SEPTIN2: variants seen among roughly 807,000 people sequenced by gnomAD.
SEPTIN2 encodes the protein septin-2.
Under a neutral mutation model 46.5 loss-of-function variants are expected in SEPTIN2, and 34 were observed. The observed-to-expected ratio is 0.73, with a 90% confidence interval of 0.56 to 0.97. The LOEUF (loss-of-function observed/expected upper bound fraction) is 0.97, where lower values mean the gene tolerates loss of function less well. Among genes scored for constraint, SEPTIN2 ranks in the 50% least tolerant of loss-of-function variants. SEPTIN2 has a pLI of 0.00. For missense variants in SEPTIN2, 347 were observed against 448.4 expected (o/e 0.77, Z 2.04); for synonymous variants, 175 against 153.4 (o/e 1.14, Z -1.04).
chr2:241,330,980 C>A (rs974156935), intron 3 of SEPTIN2, among the ~76,000 whole-genome samples: 14 of 152,136 alleles, frequency 9.2e-5, no homozygotes, highest in Non-Finnish European at 1.9e-4. Context: ...GACCAGCCCC[C>A]CCAACATGGT....
intron 1 of SEPTIN2, chr2:241,317,150 C>G (rs1397908456): frequency 6.6e-6 from 1 of 152,196 alleles, no homozygotes; most frequent in Non-Finnish European, 1.5e-5. Flanking sequence ...AAAGCTGATT[C>G]TTGATACTTC....
chr2:241,332,954 G>A (rs576455566), intron 3 of SEPTIN2, among the ~76,000 whole-genome samples: 5 of 152,180 alleles, frequency 3.3e-5, no homozygotes, highest in Non-Finnish European at 7.3e-5. Flanking sequence ...GTTTGCCTGC[G>A]GTGGGGACTG....
At chr2:241,336,308 G>T in intron 5 of SEPTIN2, 3 of 557,408 alleles carry the variant, frequency 5.4e-6, no homozygotes, top group Admixed American at 3.3e-5. Flanking sequence ...ATTTGAGATC[G>T]CAAAGCCAGT....
chr2:241,325,718 A>G (rs556289511), intron 2 of SEPTIN2, among the ~76,000 whole-genome samples: 2 of 152,270 alleles, frequency 1.3e-5, no homozygotes, highest in Admixed American at 1.3e-4. Flanking sequence ...TCTTCTATGT[A>G]TTGTTAAATT....
At chr2:241,320,093 G>A (rs189080966) in intron 1 of SEPTIN2, 1 of 381,404 alleles carries the variant, frequency 2.6e-6, no homozygotes, top group African/African-American at 2.1e-5. Flanking sequence ...GAGTGAGATT[G>A]GCCTATGGCG....
intron 11 of SEPTIN2, 58 bp from the exon 12 acceptor site, chr2:241,350,015 A>G: frequency 2.0e-6 from 3 of 1,536,712 alleles, no homozygotes; most frequent in Non-Finnish European, 8.9e-7. Flanking sequence ...GAACACCCAG[A>G]AATAATGTTC....
chr2:241,316,147 CT>C (rs971886329), intron 1 of SEPTIN2, 165 bp downstream of exon 1: 6 of 209,904 alleles, frequency 2.9e-5, no homozygotes, highest in Non-Finnish European at 5.7e-5. Context: ...CTCTTCGGCA[CT>C]TATCGTGGGC....
intron 1 of SEPTIN2, among the ~76,000 whole-genome samples, chr2:241,319,634 C>G (rs1222596438): frequency 1.3e-5 from 2 of 152,160 alleles, no homozygotes; most frequent in Non-Finnish European, 2.9e-5. Flanking sequence ...CTCTGTCACC[C>G]AGGCTGGAGT....
intron 1 of SEPTIN2, chr2:241,316,437 C>A: frequency 6.9e-7 from 1 of 1,445,298 alleles, no homozygotes; most frequent in Non-Finnish European, 9.2e-7. Flanking sequence ...GAGGACTGGC[C>A]AGCCCCCAAA....
intron 7 of SEPTIN2, among the ~76,000 whole-genome samples, 163 bp from the exon 8 acceptor site, chr2:241,342,829 C>T (rs544326491): frequency 2.0e-5 from 3 of 152,268 alleles, no homozygotes; most frequent in African/African-American, 7.2e-5. Flanking sequence ...AGCCACCACA[C>T]CCGGCCGCAG....
At chr2:241,350,681 T>C (rs370907748) in intron 12 of SEPTIN2, among the ~76,000 whole-genome samples, 1 of 152,166 alleles carries the variant, frequency 6.6e-6, no homozygotes, top group South Asian at 2.1e-4. Context: ...GGATGGTGAC[T>C]GCTGACCTCC....
intron 1 of SEPTIN2, among the ~76,000 whole-genome samples, chr2:241,323,386 T>G (rs1487366262): frequency 6.6e-6 from 1 of 151,924 alleles, no homozygotes; most frequent in Admixed American, 6.6e-5. Context: ...GCCAGGCTGG[T>G]CTTGAACTCC....
At position 241,333,743 on chromosome 2, in the gene SEPTIN2, T is replaced by A. The variant is rs186713370; in HGVS notation, c.131-1383T>A. On this transcript the variant is annotated intron_variant, in intron 3 of 12. Coordinates refer to ENST00000391971, the MANE Select transcript of SEPTIN2 (RefSeq NM_004404.5). ...TGGTCTTGAACTCCTGACCTCATGA[T>A]CCGCCTGCCTCGGCCTCCCAAAGTG... Among the ~76,000 whole-genome samples the A allele has an allele frequency of 2.2e-3, 335 of 152,280 alleles. 5 individuals carry two copies. The highest frequency in any genetic ancestry group is 8.2e-3 in the Admixed American group (126 of 15,302).
chr2:241,338,932 T>C (rs2080802216), intron 7 of SEPTIN2, among the ~76,000 whole-genome samples: 1 of 99,802 alleles, frequency 1.0e-5, no homozygotes, highest in African/African-American at 4.1e-5. Flanking sequence ...TGTACATATA[T>C]TTATTATATA....
chr2:241,316,529 G>T (rs1470876738), intron 1 of SEPTIN2: 1 of 1,522,086 alleles, frequency 6.6e-7, no homozygotes, highest in East Asian at 2.5e-5. Context: ...TCGGCGAGGA[G>T]AGGCGACGAA....
intron 3 of SEPTIN2, among the ~76,000 whole-genome samples, chr2:241,333,824 T>A (rs1393591800): frequency 6.6e-6 from 1 of 152,108 alleles, no homozygotes; most frequent in East Asian, 1.9e-4. Flanking sequence ...CATTGCAAAT[T>A]CACTTATTTG....
At chr2:241,332,588 A>G (rs1288411255) in intron 3 of SEPTIN2, among the ~76,000 whole-genome samples, 1 of 152,248 alleles carries the variant, frequency 6.6e-6, no homozygotes, top group Admixed American at 6.5e-5. Flanking sequence ...CCAGTTTGGT[A>G]CTTCCTTAAC....
At chr2:241,347,640 A>G (rs780020633) in intron 10 of SEPTIN2, among the ~76,000 whole-genome samples, 3 of 152,234 alleles carry the variant, frequency 2.0e-5, no homozygotes, top group Non-Finnish European at 4.4e-5. Context: ...AGCTTAGAGT[A>G]AGAAAAGTCT....
At chr2:241,317,558 G>A (rs1462340328) in intron 1 of SEPTIN2, 1 of 982,314 alleles carries the variant, frequency 1.0e-6, no homozygotes, top group Non-Finnish European at 1.2e-6. Context: ...TTTTTGTCTG[G>A]AGGAATGGGG....
Sources: allele counts gnomAD v4.1 joint callset (sites outside exome capture counted in the v4.1 genomes callset), GRCh38; gene constraint gnomAD v4.1.1; transcripts MANE v1.5; gene names NCBI Gene and HGNC (gene_info 2026-07-23, HGNC 2026-07-21).